The following GNL3L variants were observed in gnomAD, a reference collection of about 807,000 sequenced individuals.
GNL3L encodes the protein G protein nucleolar 3 like.
A neutral mutation model predicts 42.9 loss-of-function variants in GNL3L; 4 were observed. That is an observed-to-expected ratio of 0.09 (90% CI 0.05 to 0.21). GNL3L has a LOEUF of 0.21. Among genes scored for constraint, GNL3L ranks in the 10% least tolerant of loss-of-function variants. The pLI, the probability that GNL3L is intolerant of heterozygous loss-of-function variation, is 1.00. For synonymous variants in GNL3L, 159 were observed against 176.3 expected, an observed-to-expected ratio of 0.90 and a Z score of 0.78; for missense variants, 412 against 481.7, an observed-to-expected ratio of 0.86 and a Z score of 1.36.
At chrX:54,535,090 T>C (rs1382098915) in intron 2 of GNL3L, among the ~76,000 whole-genome samples, 1 of 112,289 alleles carries the variant, frequency 8.9e-6, no homozygotes, top group Admixed American at 9.5e-5. Context: ...GAGACGTTTA[T>C]GTCTGGTCAG....
chrX:54,547,536 CTT>C (rs1217303986), intron 8 of GNL3L, among the ~76,000 whole-genome samples: 1 of 110,342 alleles, frequency 9.1e-6, no homozygotes, highest in East Asian at 2.9e-4. Context: ...GAAACTCTGT[CTT>C]TACTAAAAAT....
chrX:54,588,047 G>A (rs946467133), intron 16 of GNL3L, among the ~76,000 whole-genome samples: 1 of 111,838 alleles, frequency 8.9e-6, no homozygotes, highest in Non-Finnish European at 1.9e-5. Flanking sequence ...ATTGAGTTCT[G>A]TATGTTTATC....
chrX:54,628,925 A>AT, the GNL3L span, among the ~76,000 whole-genome samples: 6 of 106,328 alleles, frequency 5.6e-5, no homozygotes, highest in African/African-American at 1.7e-4. Context: ...ATATAATTAT[A>AT]AAATATAATT....
At position 54,564,402 on chromosome X, in the gene GNL3L, CTTTTTTTTT is replaced by C. The variant is rs567172499; in HGVS notation, c.*3812_*3820del. 4.3e-4 allele frequency among the ~76,000 whole-genome samples: 35 copies of C among 80,795 alleles called. No individual in the cohort carries two copies. In the East Asian group the frequency reaches 9.2e-3, roughly 21 times the overall value. The allele number at this position is 80,795 out of a possible 115,157, so 70.2% of individuals were successfully genotyped here. On this transcript the variant is annotated 3_prime_UTR_variant, in exon 16 of 16. Coordinates refer to ENST00000360845, the MANE Select transcript of GNL3L (RefSeq NM_001184819.2). ...AGTCACTGGTTTTTTTCTTCGTTCT[CTTTTTTTTT>C]TTTTTTTTTTTGAGACAGAGTCTAG...
At chrX:54,548,196 G>A (rs1385620023) in intron 8 of GNL3L, 33 bp from the exon 9 acceptor site, 2 of 1,181,830 alleles carry the variant, frequency 1.7e-6, no homozygotes, top group Non-Finnish European at 1.1e-6. Context: ...GCCACCTGAT[G>A]TCTCTTCTGT....
chrX:54,548,977 T>G (rs1456678380), intron 9 of GNL3L, among the ~76,000 whole-genome samples: 1 of 110,222 alleles, frequency 9.1e-6, no homozygotes, highest in Non-Finnish European at 1.9e-5. Context: ...AGGAGACAGA[T>G]TTACATGATG....
At chrX:54,631,497 G>A in the GNL3L span, among the ~76,000 whole-genome samples, 2 of 111,361 alleles carry the variant, frequency 1.8e-5, no homozygotes, top group Admixed American at 9.5e-5. Context: ...TGTTGGACTA[G>A]TCCTTTTATC....
chrX:54,565,482 T>G lies in GNL3L; in HGVS notation c.*4880T>G, dbSNP rs1297703824. Among the ~76,000 whole-genome samples the G allele has an allele frequency of 9.0e-6, 1 of 111,563 alleles. No homozygotes were observed. The highest frequency in any genetic ancestry group is 1.9e-5 in the Non-Finnish European group (1 of 53,175). On this transcript the variant is annotated 3_prime_UTR_variant, in exon 16 of 16. Transcript: ENST00000360845. ...TGGGGGTGTCAGTTTAGTTTTTTAA[T>G]TTTTAAATTTTTTAATTTTTTTAAT...
the GNL3L span, among the ~76,000 whole-genome samples, chrX:54,642,108 CA>C: frequency 2.7e-5 from 3 of 111,200 alleles, no homozygotes; most frequent in Admixed American, 9.6e-5. Context: ...TCCTTGCATC[CA>C]AAAGAGTCTT....
intron 14 of GNL3L, among the ~76,000 whole-genome samples, chrX:54,555,472 C>A (rs868088226): frequency 5.6e-5 from 6 of 107,037 alleles, no homozygotes; most frequent in African/African-American, 2.0e-4. Flanking sequence ...TTCTTTCTTT[C>A]TTTTTCTTTC....
intron 16 of GNL3L, among the ~76,000 whole-genome samples, chrX:54,575,531 G>C (rs1270003682): frequency 2.7e-5 from 3 of 112,046 alleles, no homozygotes; most frequent in Non-Finnish European, 3.8e-5. Flanking sequence ...TCGGGAGTTC[G>C]AGACCATCCT....
intron 2 of GNL3L, among the ~76,000 whole-genome samples, chrX:54,533,008 T>A (rs1228955644): frequency 8.9e-6 from 1 of 112,041 alleles, no homozygotes; most frequent in East Asian, 2.8e-4. Context: ...TCACTCAGTC[T>A]GGATCTTTTT....
intron 9 of GNL3L, among the ~76,000 whole-genome samples, chrX:54,550,567 C>T (rs1240158283): frequency 9.0e-6 from 1 of 111,195 alleles, no homozygotes; most frequent in African/African-American, 3.3e-5. Flanking sequence ...GAGAGACTGG[C>T]ATCTGGAGAT....
At chrX:54,544,961 G>A (rs1182744564) in intron 8 of GNL3L, among the ~76,000 whole-genome samples, 1 of 111,674 alleles carries the variant, frequency 9.0e-6, no homozygotes, top group Non-Finnish European at 1.9e-5. Flanking sequence ...TGTTGCCCAG[G>A]CTGGAGTGCA....
chrX:54,566,666 A>G lies in GNL3L; in HGVS notation c.*6064A>G, dbSNP rs930925543. 2.7e-5 allele frequency among the ~76,000 whole-genome samples: 3 copies of G among 112,466 alleles called. No homozygotes were observed. The highest frequency in any genetic ancestry group is 3.2e-5 in the African/African-American group (1 of 30,980). ...TCTTTTTAATGCTGAGTATTATTCT[A>G]TTGTGTGTATATACCACATTTTATT... On this transcript the variant is annotated 3_prime_UTR_variant, in exon 16 of 16. Coordinates refer to ENST00000360845, the MANE Select transcript of GNL3L (RefSeq NM_001184819.2).
At chrX:54,617,979 C>G (rs1027328693) in intron 16 of GNL3L, among the ~76,000 whole-genome samples, 25 of 111,805 alleles carry the variant, frequency 2.2e-4, no homozygotes, top group South Asian at 7.5e-4. Flanking sequence ...GGGCCTTTCT[C>G]AGTCTCTTTT....
chrX:54,548,446 T>C, intron 9 of GNL3L, 73 bp downstream of exon 9: 1 of 868,997 alleles, frequency 1.2e-6, no homozygotes, highest in Non-Finnish European at 1.6e-6. Context: ...GAAAGGATCC[T>C]GGGAGCTTCA....
chrX:54,567,040 TAA>T lies in GNL3L; in HGVS notation c.*6441_*6442del, dbSNP rs1925450380. Among the ~76,000 whole-genome samples, 1 of 112,294 alleles carries T rather than the reference TAA, an allele frequency of 8.9e-6. No homozygotes were observed. Among genetic ancestry groups the T allele is most frequent in the East Asian group, 2.8e-4 (1 of 3,583 alleles). On this transcript the variant is annotated 3_prime_UTR_variant, in exon 16 of 16. Transcript: ENST00000360845. Reference sequence around the variant, plus strand: ...AAAGGTTTTCTCCCATGTTTCCTCCTAAAAGTTTTATAGTTTTAGGTTTTACA... The same window carrying T: ...AAAGGTTTTCTCCCATGTTTCCTCCTAAGTTTTATAGTTTTAGGTTTTACA...
At chrX:54,572,848 C>T (rs1189132431) in intron 16 of GNL3L, among the ~76,000 whole-genome samples, 17 of 102,042 alleles carry the variant, frequency 1.7e-4, no homozygotes, top group Non-Finnish European at 2.1e-4. Context: ...CGGGCAGAGA[C>T]GCTCCTCACC....
Sources: allele counts gnomAD v4.1 joint callset (sites outside exome capture counted in the v4.1 genomes callset), GRCh38; gene constraint gnomAD v4.1.1; transcripts MANE v1.5; gene names NCBI Gene and HGNC (gene_info 2026-07-23, HGNC 2026-07-21).